The following BNC2 variants were observed in gnomAD, a reference collection of about 807,000 sequenced individuals.
BNC2 encodes basonuclin zinc finger protein 2.
A neutral mutation model predicts 76.3 loss-of-function variants in BNC2; 20 were observed. That is an observed-to-expected ratio of 0.26 (90% CI 0.18 to 0.38). The LOEUF (loss-of-function observed/expected upper bound fraction) is 0.38, where lower values mean the gene tolerates loss of function less well. Among genes scored for constraint, BNC2 ranks in the 10% least tolerant of loss-of-function variants. The pLI is 1.00. For synonymous variants in BNC2, 582 were observed against 514.8 expected, an observed-to-expected ratio of 1.13 and a Z score of -1.77; for missense variants, 1,382 against 1,399.8, an observed-to-expected ratio of 0.99 and a Z score of 0.20.
chr9:16,602,178 G>T (rs1820261262), intron 3 of BNC2, among the ~76,000 whole-genome samples: 1 of 152,134 alleles, frequency 6.6e-6, no homozygotes, highest in Admixed American at 6.5e-5. Context: ...GGGCCAAGTG[G>T]CTCCCAAAGT....
chr9:16,618,459 T>G (rs1053950184), intron 3 of BNC2, among the ~76,000 whole-genome samples: 2 of 152,218 alleles, frequency 1.3e-5, no homozygotes, highest in African/African-American at 4.8e-5. Context: ...GGCCACGGAC[T>G]AGGGACACAA....
At chr9:16,652,680 C>A (rs550544309) in intron 3 of BNC2, among the ~76,000 whole-genome samples, 1 of 152,304 alleles carries the variant, frequency 6.6e-6, no homozygotes, top group East Asian at 1.9e-4. Flanking sequence ...CAGTGTGCCT[C>A]ATATTTTCCT....
Position 16,415,059 on chromosome 9 carries a change from C to CA in BNC2, c.*3929dup, listed in dbSNP as rs1346542193. ...TATGAGGACAGTGGCACCATTGTGC[C>CA]AAAAAGGTTTTAAAAAATGTTTGCC... is the stretch of plus-strand genomic sequence containing the variant. On this transcript the variant is annotated 3_prime_UTR_variant, in exon 7 of 7. Coordinates refer to ENST00000380672, the MANE Select transcript of BNC2 (RefSeq NM_017637.6). The CA allele has an allele frequency of 6.6e-6, 1 of 151,800 alleles. No individual in the cohort carries two copies. The highest frequency in any genetic ancestry group is 1.5e-5 in the Non-Finnish European group (1 of 67,978). 9.4% of individuals were successfully genotyped at this position (151,800 alleles called of 1,614,324 possible). A position where few individuals can be genotyped will look rare whatever the true frequency, so the allele number is the denominator to read the frequency against.
In BNC2 at chr9:16,417,233, A is replaced by G. The variant is rs1365036123; in HGVS notation, c.*1756T>C. The G allele has an allele frequency of 6.6e-6, 1 of 152,590 alleles. No homozygotes were observed. The highest frequency in any genetic ancestry group is 1.5e-5 in the Non-Finnish European group (1 of 68,024). The allele number at this position is 152,590 out of a possible 1,614,324, so 9.5% of individuals were successfully genotyped here. Reference sequence around the variant, plus strand: ...TGCAGACTGAACTTGAGTAAATATCATCATTTAGTCAGTATGTTGTGGTAG... The same window carrying G: ...TGCAGACTGAACTTGAGTAAATATCGTCATTTAGTCAGTATGTTGTGGTAG... On this transcript the variant is annotated 3_prime_UTR_variant, in exon 7 of 7. Transcript: ENST00000380672.
At chr9:16,577,501 C>T (rs1587192627) in intron 4 of BNC2, among the ~76,000 whole-genome samples, 1 of 152,126 alleles carries the variant, frequency 6.6e-6, no homozygotes, top group African/African-American at 2.4e-5. Flanking sequence ...GAACTGAAGG[C>T]TACCTGGCAC....
At chr9:16,841,799 A>T (rs978604672) in intron 1 of BNC2, among the ~76,000 whole-genome samples, 1 of 138,694 alleles carries the variant, frequency 7.2e-6, no homozygotes, top group Non-Finnish European at 1.5e-5. Context: ...TCTGCAAGAC[A>T]TTATTATCAA....
At chr9:16,490,114 G>A (rs892222391) in intron 5 of BNC2, among the ~76,000 whole-genome samples, 1 of 152,136 alleles carries the variant, frequency 6.6e-6, no homozygotes. Context: ...CCCATTGTTA[G>A]AGTGAAAGCT....
intron 5 of BNC2, among the ~76,000 whole-genome samples, chr9:16,527,252 C>G (rs1373378614): frequency 2.0e-5 from 3 of 152,206 alleles, no homozygotes; most frequent in African/African-American, 7.2e-5. Context: ...CACATCAACT[C>G]TTAGTTTGCA....
rs1205795908 is a variant in BNC2 at position 16,527,651 on chromosome 9, T to C, written c.669+24879A>G. ...AATCACTAGGGAGCGGCTAAAGAGT[T>C]ATTAATGGTGACAGGTACACTACCT... On this transcript the variant is annotated intron_variant, in intron 5 of 6. Transcript: ENST00000380672. Among the ~76,000 whole-genome samples the C allele has an allele frequency of 1.3e-5, 2 of 152,124 alleles. No homozygotes were observed. The highest frequency in any genetic ancestry group is 2.9e-5 in the Non-Finnish European group (2 of 68,028).
At chr9:16,665,442 G>GAA (rs1166484259) in intron 3 of BNC2, among the ~76,000 whole-genome samples, 146 of 83,262 alleles carry the variant, frequency 1.8e-3, no homozygotes, top group African/African-American at 6.8e-3. Flanking sequence ...AGAAAAGAAA[G>GAA]AAAGAAAGAA....
intron 3 of BNC2, among the ~76,000 whole-genome samples, chr9:16,652,313 T>G (rs945512145): frequency 6.6e-6 from 1 of 152,226 alleles, no homozygotes; most frequent in Non-Finnish European, 1.5e-5. Context: ...GATCTCATAC[T>G]ATAAAAACAA....
At chr9:16,460,753 A>G (rs925911406) in intron 5 of BNC2, among the ~76,000 whole-genome samples, 24 of 152,178 alleles carry the variant, frequency 1.6e-4, no homozygotes, top group Admixed American at 1.2e-3. Context: ...TCAGTTACCC[A>G]GGTGTAAAAC....
chr9:16,787,983 T>C (rs987798361), intron 1 of BNC2, among the ~76,000 whole-genome samples: 1 of 152,190 alleles, frequency 6.6e-6, no homozygotes, highest in Non-Finnish European at 1.5e-5. Flanking sequence ...GGTAATATTG[T>C]GTCCCTTCAT....
chr9:16,461,262 GCT>G (rs1821573492), intron 5 of BNC2, among the ~76,000 whole-genome samples: 1 of 152,026 alleles, frequency 6.6e-6, no homozygotes, highest in Non-Finnish European at 1.5e-5. Flanking sequence ...CTTTGTTGGG[GCT>G]GTGTGTGTAA....
chr9:16,849,899 G>T (rs1819086590), intron 1 of BNC2, among the ~76,000 whole-genome samples: 1 of 150,936 alleles, frequency 6.6e-6, no homozygotes, highest in African/African-American at 2.4e-5. Flanking sequence ...TTTGACTTTT[G>T]TCAAAGACCA....
rs186851786 is a variant in BNC2, at chr9:16,683,307, A to T, written c.330+44490T>A. Among the ~76,000 whole-genome samples, 7 of 152,336 alleles carry T rather than the reference A, an allele frequency of 4.6e-5. No homozygotes were observed. In the East Asian group the frequency reaches 1.2e-3, roughly 25 times the overall value. On this transcript the variant is annotated intron_variant, in intron 3 of 6. Transcript: ENST00000380672. ...AGAAAGGGGCTCCACCAGTCATGAG[A>T]ACTTACGTCAGCTAAAACATAAAAG...
At chr9:16,642,703 G>A (rs1183492408) in intron 3 of BNC2, among the ~76,000 whole-genome samples, 2 of 152,114 alleles carry the variant, frequency 1.3e-5, no homozygotes, top group African/African-American at 2.4e-5. Context: ...AGTGCCTTGG[G>A]GCCACATTTT....
intron 3 of BNC2, among the ~76,000 whole-genome samples, chr9:16,660,266 C>A (rs986092550): frequency 1.3e-5 from 2 of 152,112 alleles, no homozygotes; most frequent in Non-Finnish European, 2.9e-5. Flanking sequence ...ACCAGCCTGT[C>A]CAACATGGAG....
intron 3 of BNC2, among the ~76,000 whole-genome samples, chr9:16,627,960 C>A (rs1821045483): frequency 6.6e-6 from 1 of 152,168 alleles, no homozygotes; most frequent in Admixed American, 6.5e-5. Context: ...TTATGAGGTA[C>A]AAAGGACATT....
Sources: gnomAD v4.1 joint callset for allele counts (sites outside exome capture counted in the v4.1 genomes callset) on GRCh38, gnomAD v4.1.1 for gene constraint, MANE v1.5 for transcripts, NCBI Gene and HGNC (gene_info 2026-07-23, HGNC 2026-07-21) for gene names.